The following FA2H variants were observed in gnomAD, a reference collection of about 807,000 sequenced individuals.
FA2H encodes fatty acid alpha-hydroxylase.
In FA2H, 22 loss-of-function variants were observed where a neutral mutation model predicts 44.9. The observed-to-expected ratio is 0.49, with a 90% CI of 0.35 to 0.70. The LOEUF (loss-of-function observed/expected upper bound fraction) is 0.70. Ranked by LOEUF, FA2H falls within the 30% of genes least tolerant of loss-of-function variation. FA2H has a pLI of 0.01. For synonymous variants in FA2H, 243 were observed against 213.2 expected, an observed-to-expected ratio of 1.14 and a Z score of -1.22; for missense variants, 501 against 504.9, an observed-to-expected ratio of 0.99 and a Z score of 0.07.
At chr16:74,727,939 A>G (rs984663856) in intron 2 of FA2H, among the ~76,000 whole-genome samples, 1 of 152,118 alleles carries the variant, frequency 6.6e-6, no homozygotes, top group Non-Finnish European at 1.5e-5. Flanking sequence ...TATTTTTTAT[A>G]TATATATTTA....
chr16:74,737,654 G>A (rs931625241), intron 2 of FA2H, among the ~76,000 whole-genome samples: 2 of 152,188 alleles, frequency 1.3e-5, no homozygotes, highest in Admixed American at 6.5e-5. Context: ...GGGAGGCCAG[G>A]ACTCCAGTCT....
intron 2 of FA2H, among the ~76,000 whole-genome samples, 181 bp from the exon 3 acceptor site, chr16:74,727,567 A>C (rs1462198176): frequency 1.3e-5 from 2 of 152,184 alleles, no homozygotes; most frequent in Non-Finnish European, 1.5e-5. Context: ...CCCAGCCCCC[A>C]GCCACAGCAA....
chr16:74,718,500 G>C (rs193234107), intron 5 of FA2H, among the ~76,000 whole-genome samples: 81 of 152,278 alleles, frequency 5.3e-4, no homozygotes, highest in Non-Finnish European at 9.4e-4. Flanking sequence ...CCCAGAATGG[G>C]GTACGACATC....
intron 6 of FA2H, among the ~76,000 whole-genome samples, chr16:74,715,923 C>T (rs1432311056): frequency 1.3e-5 from 2 of 151,262 alleles, no homozygotes; most frequent in Admixed American, 1.3e-4. Flanking sequence ...TCAAGCTATT[C>T]TCATGCCTCA....
chr16:74,736,771 C>T (rs1466648090), intron 2 of FA2H, among the ~76,000 whole-genome samples: 1 of 152,146 alleles, frequency 6.6e-6, no homozygotes, highest in Admixed American at 6.5e-5. Flanking sequence ...CTCCCTCCCT[C>T]TGCCACTCCC....
chr16:74,772,029 C>A (rs1174209802), intron 1 of FA2H, among the ~76,000 whole-genome samples: 1 of 151,482 alleles, frequency 6.6e-6, no homozygotes, highest in Non-Finnish European at 1.5e-5. Context: ...TGGCTCACTG[C>A]AACCTCCACC....
At chr16:74,754,422 CAA>C (rs903180899) in intron 1 of FA2H, among the ~76,000 whole-genome samples, 1 of 151,862 alleles carries the variant, frequency 6.6e-6, no homozygotes, top group Non-Finnish European at 1.5e-5. Flanking sequence ...AAACAAAAAA[CAA>C]AAAAAATTTA....
chr16:74,771,276 T>C (rs2144668944), intron 1 of FA2H, among the ~76,000 whole-genome samples: 1 of 152,236 alleles, frequency 6.6e-6, no homozygotes, highest in South Asian at 2.1e-4. Flanking sequence ...CTGCAACTTC[T>C]GCCTCCTGGG....
intron 2 of FA2H, among the ~76,000 whole-genome samples, chr16:74,728,786 T>C (rs1212660571): frequency 2.0e-4 from 28 of 140,336 alleles, no homozygotes; most frequent in African/African-American, 2.6e-4. Flanking sequence ...CTTTCTTTTT[T>C]TTTTTTTTTT....
intron 1 of FA2H, among the ~76,000 whole-genome samples, chr16:74,763,757 AGCAAGTTTATT>A (rs1962756115): frequency 6.6e-6 from 1 of 152,260 alleles, no homozygotes; most frequent in South Asian, 2.1e-4. Flanking sequence ...GTAATTTTCA[AGCAAGTTTATT>A]GCAGGTTGCA....
intron 1 of FA2H, among the ~76,000 whole-genome samples, chr16:74,748,577 T>A (rs1962470355): frequency 6.6e-6 from 1 of 152,090 alleles, no homozygotes; most frequent in African/African-American, 2.4e-5. Context: ...TCTCCCCTCG[T>A]GGAGGACTCT....
intron 1 of FA2H, among the ~76,000 whole-genome samples, chr16:74,752,177 A>G (rs969468180): frequency 6.6e-6 from 1 of 152,130 alleles, no homozygotes; most frequent in Non-Finnish European, 1.5e-5. Context: ...CCACCTGGAC[A>G]ATAGCAATGG....
chr16:74,753,952 A>C (rs1240141041), intron 1 of FA2H, among the ~76,000 whole-genome samples: 2 of 152,126 alleles, frequency 1.3e-5, no homozygotes, highest in African/African-American at 4.8e-5. Flanking sequence ...GATTTTTTTC[A>C]CTCAAGTGAA....
At chr16:74,737,190 C>T (rs530012458) in intron 2 of FA2H, among the ~76,000 whole-genome samples, 5 of 152,138 alleles carry the variant, frequency 3.3e-5, no homozygotes, top group African/African-American at 1.2e-4. Flanking sequence ...GGGAGGGCTC[C>T]GAAAAGGACA....
At chr16:74,772,570 T>C (rs562874820) in intron 1 of FA2H, among the ~76,000 whole-genome samples, 1 of 152,334 alleles carries the variant, frequency 6.6e-6, no homozygotes, top group South Asian at 2.1e-4. Context: ...TTAGGCAGGA[T>C]GACCCAATGA....
rs1379717958 is a variant in FA2H at position 74,766,329 on chromosome 16, A to G, written c.270+8157T>C. On this transcript the variant is annotated intron_variant, in intron 1 of 6. Coordinates refer to ENST00000219368, the MANE Select transcript of FA2H (RefSeq NM_024306.5). ...TCAATAAAAAAAAAAAAAAGTTATG[A>G]ATGCTGTAAGATAGGTTCAGGTAAA... Among the ~76,000 whole-genome samples, 7 of 152,000 alleles carry G rather than the reference A, an allele frequency of 4.6e-5. No individual in the cohort carries two copies. In the East Asian group the frequency reaches 1.4e-3, roughly 29 times the overall value.
rs1962971114 is a variant in FA2H, at chr16:74,774,490, T to A, written c.266A>T (p.Gln89Leu). The change falls in exon 1 of 7, where the codon CAG (glutamine) becomes CTG (leucine). Residue 89 changes from glutamine (Q) to leucine (L), a missense_variant. Coordinates refer to ENST00000219368, the MANE Select transcript of FA2H (RefSeq NM_024306.5). ...QYYVGELRGE[Q>L]QGSMENEPVA... ...GGGGCCCCGGCCCGGCTGTACCTGC[T>A]GCTCCCCGCGGAGCTCTCCCACGTA... 3 of 1,516,418 alleles carry A rather than the reference T, an allele frequency of 2.0e-6. No individual in the cohort carries two copies. Among genetic ancestry groups the A allele is most frequent in the Non-Finnish European group, 2.6e-6 (3 of 1,138,678 alleles). 93.9% of individuals were successfully genotyped at this position (1,516,418 alleles called of 1,614,324 possible).
At chr16:74,750,417 C>T (rs935063328) in intron 1 of FA2H, among the ~76,000 whole-genome samples, 3 of 152,114 alleles carry the variant, frequency 2.0e-5, no homozygotes, top group Non-Finnish European at 2.9e-5. Context: ...TTTTGAAATG[C>T]GTCTTTTATT....
At chr16:74,768,427 G>A (rs919898681) in intron 1 of FA2H, among the ~76,000 whole-genome samples, 4 of 152,200 alleles carry the variant, frequency 2.6e-5, no homozygotes, top group Non-Finnish European at 5.9e-5. Context: ...AGACTCGACT[G>A]GCACCACAGC....
Sources: gnomAD v4.1 joint callset for allele counts (sites outside exome capture counted in the v4.1 genomes callset) on GRCh38, gnomAD v4.1.1 for gene constraint, MANE v1.5 for transcripts, NCBI Gene and HGNC (gene_info 2026-07-23, HGNC 2026-07-21) for gene names.